The following SLC26A11 variants were observed in gnomAD, a reference collection of about 807,000 sequenced individuals.
SLC26A11 encodes solute carrier family 26 member 11.
In SLC26A11, 58 loss-of-function variants were observed where a neutral mutation model predicts 62.2. The observed-to-expected ratio is 0.93, with a 90% CI of 0.76 to 1.16. The LOEUF (loss-of-function observed/expected upper bound fraction) is 1.16. Among genes scored for constraint, SLC26A11 ranks in the 50% most tolerant of loss-of-function variants. SLC26A11 has a pLI of 0.00. For synonymous variants in SLC26A11, 411 were observed against 368.9 expected, an observed-to-expected ratio of 1.11 and a Z score of -1.31; for missense variants, 790 against 794.3, an observed-to-expected ratio of 0.99 and a Z score of 0.06.
Position 80,250,306 on chromosome 17 carries a change from C to A in SLC26A11, c.1656+1019C>A, listed in dbSNP as rs534333062. 2.9e-3 allele frequency among the ~76,000 whole-genome samples: 438 copies of A among 152,308 alleles called. 6 individuals are homozygous for A. Among genetic ancestry groups the A allele is most frequent in the Non-Finnish European group, 2.1e-3 (146 of 68,032 alleles). On this transcript the variant is annotated intron_variant, in intron 16 of 17. Coordinates refer to ENST00000361193, the MANE Select transcript of SLC26A11 (RefSeq NM_001166347.2). ...GGTGTGGACCACAGCCGACCCTTGT[C>A]AGAGTTTCCTTCATTCCCAACCTGG...
At chr17:80,236,762 T>C (rs2042704269) in intron 7 of SLC26A11, 166 bp from the exon 8 acceptor site, 1 of 719,658 alleles carries the variant, frequency 1.4e-6, no homozygotes, top group Non-Finnish European at 2.3e-6. Flanking sequence ...TGCTGCCACA[T>C]AGCATTTATG....
chr17:80,227,586 A>G (rs1457258138), intron 6 of SLC26A11, among the ~76,000 whole-genome samples: 1 of 152,268 alleles, frequency 6.6e-6, no homozygotes, highest in Non-Finnish European at 1.5e-5. Flanking sequence ...TTGGTCTTGC[A>G]GAGTAGCTTG....
chr17:80,244,835 GC>G (rs1223499588), intron 10 of SLC26A11, among the ~76,000 whole-genome samples: 1 of 152,142 alleles, frequency 6.6e-6, no homozygotes, highest in Non-Finnish European at 1.5e-5. Context: ...AATTAGCCAG[GC>G]GTGGTAGTGT....
chr17:80,236,775 T>C, intron 7 of SLC26A11, 153 bp from the exon 8 acceptor site: 1 of 781,574 alleles, frequency 1.3e-6, no homozygotes, highest in South Asian at 1.8e-5. Flanking sequence ...CATTTATGTC[T>C]GTGTTGTGTT....
At chr17:80,238,800 C>A (rs968139204) in intron 9 of SLC26A11, among the ~76,000 whole-genome samples, 2 of 150,390 alleles carry the variant, frequency 1.3e-5, no homozygotes, top group Admixed American at 6.6e-5. Flanking sequence ...ACCCTTACCC[C>A]CTTCAAAGGA....
At chr17:80,242,196 C>G (rs753513656) in intron 10 of SLC26A11, among the ~76,000 whole-genome samples, 1 of 152,284 alleles carries the variant, frequency 6.6e-6, no homozygotes, top group African/African-American at 2.4e-5. Flanking sequence ...AGGCTGGTCT[C>G]GAACTCCCGA....
rs1197228846 is a variant in SLC26A11, at chr17:80,249,168, T to A, written c.1537T>A (p.Cys513Ser). Residue 513 changes from cysteine to serine, a missense_variant, in exon 16 of 18, where the codon TGC becomes AGC. Cys to Ser is a moderately radical substitution (Grantham distance 112). Coordinates refer to ENST00000361193, the MANE Select transcript of SLC26A11 (RefSeq NM_001166347.2). ...SRALEVSPPR[C>S]LVLECTHVCS... ...TGTCTCCCCAGTGTCCCCGCCACGCTGCCTGGTCCTGGAGTGCACCCATGT... is the reference window on the plus strand; with the variant it reads ...TGTCTCCCCAGTGTCCCCGCCACGCAGCCTGGTCCTGGAGTGCACCCATGT... 6.2e-7 allele frequency: 1 copy of A among 1,608,518 alleles called. No homozygotes were observed. The highest frequency in any genetic ancestry group is 1.1e-5 in the South Asian group (1 of 90,894).
chr17:80,221,595 G>T lies in SLC26A11; in HGVS notation c.35G>T (p.Arg12Met). 3 of 1,605,622 alleles carry T rather than the reference G, an allele frequency of 1.9e-6. No individual in the cohort carries two copies. Among genetic ancestry groups the T allele is most frequent in the Non-Finnish European group, 2.5e-6 (3 of 1,179,324 alleles). ...PSSVTALGQA[R>M]SSGPGMAPSA... ...TCGGTGACGGCGCTGGGTCAGGCCA[G>T]GTCCTCTGGCCCCGGGATGGCCCCG... The change falls in exon 3 of 18, where the codon AGG becomes ATG. Residue 12 changes from arginine to methionine, a missense_variant. Physicochemically the swap from Arg to Met is moderately conservative, Grantham distance 91. Coordinates refer to ENST00000361193, the MANE Select transcript of SLC26A11 (RefSeq NM_001166347.2).
chr17:80,237,164 C>T, intron 8 of SLC26A11, 61 bp downstream of exon 8: 2 of 1,561,902 alleles, frequency 1.3e-6, no homozygotes, highest in Non-Finnish European at 1.7e-6. Context: ...TGGCCTGGCT[C>T]CTACCCTGAT....
intron 13 of SLC26A11, among the ~76,000 whole-genome samples, chr17:80,247,815 G>A (rs1462169225): frequency 6.6e-6 from 1 of 152,148 alleles, no homozygotes; most frequent in African/African-American, 2.4e-5. Flanking sequence ...AAGGGCTCAC[G>A]TGGTCCCTGC....
chr17:80,221,316 T>C (rs2144848141), intron 2 of SLC26A11: 2 of 463,704 alleles, frequency 4.3e-6, no homozygotes, highest in Non-Finnish European at 7.5e-6. Flanking sequence ...CACCCAGGAT[T>C]TGCACGGGGG....
In SLC26A11 at chr17:80,229,439, G is replaced by GTTTTTT. The variant is rs111878466; in HGVS notation, c.736+1479_736+1480insTTTTTT. Among the ~76,000 whole-genome samples, 850 of 151,340 alleles carry GTTTTTT rather than the reference G, an allele frequency of 5.6e-3. 11 individuals are homozygous for GTTTTTT. Among genetic ancestry groups the GTTTTTT allele is most frequent in the African/African-American group, 0.02 (818 of 41,268 alleles). ...TTATCTTTGTTATCTTTTGTTTTTTGGTTTTTTTTGGAGACGGTGTCTCAC... is the reference window on the plus strand; with the variant it reads ...TTATCTTTGTTATCTTTTGTTTTTTGTTTTTTGTTTTTTTTGGAGACGGTGTCTCAC... On this transcript the variant is annotated intron_variant, in intron 7 of 17. Coordinates refer to ENST00000361193, the MANE Select transcript of SLC26A11 (RefSeq NM_001166347.2).
At chr17:80,245,608 C>T (rs142605120) in intron 11 of SLC26A11, among the ~76,000 whole-genome samples, 4 of 152,304 alleles carry the variant, frequency 2.6e-5, no homozygotes, top group Admixed American at 6.5e-5. Context: ...CAGAGCGAGA[C>T]CCTGTCTCTA....
Position 80,221,731 on chromosome 17 carries a change from AG to A in SLC26A11, c.172del (p.Val58LeufsTer43). The A allele has an allele frequency of 1.2e-6, 2 of 1,613,650 alleles. No individual in the cohort carries two copies. Among genetic ancestry groups the A allele is most frequent in the Non-Finnish European group, 1.7e-6 (2 of 1,180,028 alleles). Reference protein sequence around the residue: ...LKMDFVAGLSVGLTAIPQALA... With the variant: ...LKMDFVAGLSXGLTAIPQALA... ...AGATGGATTTCGTCGCCGGCCTCTC[AG>A]TTGGCCTCACTGCCATTCCCCAGGC... On this transcript the variant is annotated frameshift_variant, in exon 3 of 18. Transcript: ENST00000361193. LOFTEE classifies it high-confidence loss of function.
chr17:80,228,080 G>A lies in SLC26A11; in HGVS notation c.736+120G>A, dbSNP rs184318669. The A allele has an allele frequency of 1.1e-4, 92 of 814,676 alleles. No individual in the cohort carries two copies. The African/African-American group carries it at 1.3e-3, about 12-fold the overall frequency. The allele number at this position is 814,676 out of a possible 1,614,324, so 50.5% of individuals were successfully genotyped here. ...TGGTCTGGGTGTCACTTGAGCATTG[G>A]GACATTTAAAACACCACACCAAACT... On this transcript the variant is annotated intron_variant, in intron 7 of 17. Coordinates refer to ENST00000361193, the MANE Select transcript of SLC26A11 (RefSeq NM_001166347.2). This position sits in a 1 kb window ranked among gnomAD's most constrained non-coding sequence, Gnocchi z 4.1.
chr17:80,223,165 T>G lies in SLC26A11; in HGVS notation c.428-87T>G. On this transcript the variant is annotated intron_variant, in intron 4 of 17. Coordinates refer to ENST00000361193, the MANE Select transcript of SLC26A11 (RefSeq NM_001166347.2). The surrounding 1 kb of genome is among the most constrained non-coding windows in gnomAD (Gnocchi z 4.6). Reference sequence around the variant, plus strand: ...GTATCTGCTCCCCAATCCCACCCATTGCCACCTTCCCCAGCTCACATCTCC... The same window carrying G: ...GTATCTGCTCCCCAATCCCACCCATGGCCACCTTCCCCAGCTCACATCTCC... The G allele has an allele frequency of 7.9e-7, 1 of 1,269,732 alleles. No individual in the cohort carries two copies. The highest frequency in any genetic ancestry group is 1.2e-5 in the South Asian group (1 of 81,138). 78.7% of individuals were successfully genotyped at this position (1,269,732 alleles called of 1,614,324 possible). A position where few individuals can be genotyped will look rare whatever the true frequency, so the allele number is the denominator to read the frequency against.
At chr17:80,237,293 C>A in intron 8 of SLC26A11, 190 bp downstream of exon 8, 2 of 810,138 alleles carry the variant, frequency 2.5e-6, no homozygotes, top group South Asian at 1.9e-5. Flanking sequence ...TCAGGGATGT[C>A]ACGTTTGTGT....
At chr17:80,224,127 G>C (rs1394449131) in intron 5 of SLC26A11, among the ~76,000 whole-genome samples, 1 of 152,210 alleles carries the variant, frequency 6.6e-6, no homozygotes, top group Non-Finnish European at 1.5e-5. Context: ...GCCTGAGACA[G>C]TCTTCCCTGA....
chr17:80,249,663 T>C (rs2043107140), intron 16 of SLC26A11, among the ~76,000 whole-genome samples: 1 of 152,148 alleles, frequency 6.6e-6, no homozygotes, highest in Non-Finnish European at 1.5e-5. Flanking sequence ...CCCAGCACTT[T>C]GGGAGGCCAA....
Sources: allele counts gnomAD v4.1 joint callset (sites outside exome capture counted in the v4.1 genomes callset), GRCh38; gene constraint gnomAD v4.1.1; non-coding constraint Gnocchi (gnomAD v3.1); transcripts MANE v1.5; gene names NCBI Gene and HGNC (gene_info 2026-07-23, HGNC 2026-07-21).